The following TTLL6 variants were observed in gnomAD, a reference collection of about 807,000 sequenced individuals.
The protein encoded by TTLL6 is tubulin tyrosine ligase like 6, also known as tubulin polyglutamylase TTLL6.
In TTLL6, 75 loss-of-function variants were observed where a neutral mutation model predicts 96.4. The observed-to-expected ratio is 0.78, with a 90% confidence interval of 0.65 to 0.94. TTLL6 has a LOEUF of 0.94. TTLL6 is among the 40% of genes least tolerant of loss of function. TTLL6 has a pLI of 0.00. For synonymous variants in TTLL6, 411 were observed against 419.4 expected (o/e 0.98, Z 0.24); for missense variants, 1,030 against 1,093.0 (o/e 0.94, Z 0.81).
chr17:48,795,960 G>A (rs1339509332), intron 8 of TTLL6, 101 bp downstream of exon 8: 1 of 942,810 alleles, frequency 1.1e-6, no homozygotes, highest in Non-Finnish European at 1.6e-6. Flanking sequence ...TGTGACCCAA[G>A]ATGGAAACAC....
chr17:48,802,749 T>C (rs960499701), intron 3 of TTLL6, among the ~76,000 whole-genome samples: 1 of 152,210 alleles, frequency 6.6e-6, no homozygotes, highest in African/African-American at 2.4e-5. Flanking sequence ...TGTGCACCTG[T>C]ACTCCCAGCT....
intron 1 of TTLL6, among the ~76,000 whole-genome samples, chr17:48,808,272 T>A (rs2039533647): frequency 6.6e-6 from 1 of 152,200 alleles, no homozygotes; most frequent in South Asian, 2.1e-4. Context: ...TAAAATGCAT[T>A]ATCGCAGGTG....
At chr17:48,789,040 C>T (rs534877318) in intron 10 of TTLL6, among the ~76,000 whole-genome samples, 20 of 151,732 alleles carry the variant, frequency 1.3e-4, no homozygotes, top group African/African-American at 4.8e-4. Flanking sequence ...GCAAGTGCTG[C>T]CCAACAGGAA....
Position 48,782,556 on chromosome 17 carries a change from G to A in TTLL6, c.2040+2367C>T, listed in dbSNP as rs574597820. ...CTTTCAGTTTGACATGGTCTCATTT[G>A]TCTATTTTTGCTTCTGTTCACTGTG... On this transcript the variant is annotated intron_variant, in intron 13 of 15. Coordinates refer to ENST00000393382, the MANE Select transcript of TTLL6 (RefSeq NM_001130918.3). Among the ~76,000 whole-genome samples the A allele has an allele frequency of 3.3e-5, 5 of 152,244 alleles. No homozygotes were observed. The South Asian group carries it at 1.0e-3, about 32-fold the overall frequency.
chr17:48,788,664 C>T (rs3848457), intron 10 of TTLL6, among the ~76,000 whole-genome samples: 44,127 of 151,990 alleles, frequency 0.29, 6,567 homozygotes, highest in Admixed American at 0.4. Flanking sequence ...GCGGCAGACT[C>T]ACTGGGCTCT....
chr17:48,797,294 G>A, intron 6 of TTLL6, 90 bp from the exon 7 acceptor site: 1 of 1,375,836 alleles, frequency 7.3e-7, no homozygotes, highest in Non-Finnish European at 9.8e-7. Context: ...CATGGAGTTG[G>A]CTCCAACATT....
At chr17:48,794,249 C>A in intron 8 of TTLL6, 1 of 1,613,874 alleles carries the variant, frequency 6.2e-7, no homozygotes, top group African/African-American at 1.3e-5. Flanking sequence ...AGCCGAGGGC[C>A]CAGGGCCTGC....
intron 13 of TTLL6, among the ~76,000 whole-genome samples, chr17:48,777,938 T>A (rs945933038): frequency 6.6e-6 from 1 of 150,834 alleles, no homozygotes; most frequent in African/African-American, 2.4e-5. Flanking sequence ...GAGAACATAT[T>A]TGTGACCTGA....
intron 13 of TTLL6, among the ~76,000 whole-genome samples, chr17:48,777,502 G>A (rs181900770): frequency 0.023 from 3,436 of 151,984 alleles, 51 homozygotes; most frequent in Admixed American, 0.035. Flanking sequence ...AGGCCGAGGC[G>A]GGTGGATGGT....
chr17:48,816,521 G>A (rs1478826536), intron 1 of TTLL6, among the ~76,000 whole-genome samples: 4 of 152,132 alleles, frequency 2.6e-5, no homozygotes, highest in Non-Finnish European at 5.9e-5. Context: ...AAGAACACCA[G>A]GCTGGAAGGC....
intron 13 of TTLL6, among the ~76,000 whole-genome samples, chr17:48,780,571 A>G (rs1438201990): frequency 6.6e-6 from 1 of 152,246 alleles, no homozygotes; most frequent in Non-Finnish European, 1.5e-5. Context: ...AGTGTTAACT[A>G]TATGCACATT....
intron 3 of TTLL6, among the ~76,000 whole-genome samples, chr17:48,802,265 A>G (rs1179778866): frequency 2.0e-5 from 3 of 152,218 alleles, no homozygotes; most frequent in Non-Finnish European, 4.4e-5. Context: ...TCCCTTTGCC[A>G]GAAAGCAAGC....
chr17:48,802,536 G>C (rs2039443554), intron 3 of TTLL6, among the ~76,000 whole-genome samples: 1 of 152,178 alleles, frequency 6.6e-6, no homozygotes. Flanking sequence ...CAGTAACCGG[G>C]ACAGGACAAG....
At chr17:48,791,338 A>G (rs1317319105) in intron 9 of TTLL6, 40 bp downstream of exon 9, 5 of 1,570,850 alleles carry the variant, frequency 3.2e-6, no homozygotes, top group African/African-American at 1.4e-5. Flanking sequence ...TGGCCCCAAT[A>G]ACAGGAGTTC....
At chr17:48,806,012 G>C (rs2039500852) in intron 1 of TTLL6, among the ~76,000 whole-genome samples, 1 of 152,138 alleles carries the variant, frequency 6.6e-6, no homozygotes, top group Non-Finnish European at 1.5e-5. Context: ...AGGAGGCTGA[G>C]GCAGGAGAAT....
intron 15 of TTLL6, among the ~76,000 whole-genome samples, chr17:48,763,419 T>C (rs17707058): frequency 0.28 from 42,598 of 152,040 alleles, 7,096 homozygotes; most frequent in South Asian, 0.39. Context: ...TCATCAGCAA[T>C]AGCATCACCA....
intron 1 of TTLL6, among the ~76,000 whole-genome samples, chr17:48,814,988 G>A (rs1157559127): frequency 1.3e-5 from 2 of 152,084 alleles, no homozygotes; most frequent in African/African-American, 4.8e-5. Flanking sequence ...ATGTTGGTCA[G>A]GCTGGTCTCA....
chr17:48,798,596 A>G (rs1227649280), intron 6 of TTLL6, among the ~76,000 whole-genome samples: 1 of 151,766 alleles, frequency 6.6e-6, no homozygotes, highest in Non-Finnish European at 1.5e-5. Context: ...AATTAGCCAG[A>G]TGTGGTGGCA....
intron 13 of TTLL6, among the ~76,000 whole-genome samples, chr17:48,779,297 TG>T (rs2038941998): frequency 7.6e-6 from 1 of 132,176 alleles, no homozygotes; most frequent in South Asian, 2.2e-4. Context: ...GAGGTTGCAG[TG>T]AGCCAAGACT....
Sources: allele counts gnomAD v4.1 joint callset (sites outside exome capture counted in the v4.1 genomes callset), GRCh38; gene constraint gnomAD v4.1.1; transcripts MANE v1.5; gene names NCBI Gene and HGNC (gene_info 2026-07-23, HGNC 2026-07-21).